Variants in RADIL observed in about 807,000 individuals in gnomAD.
RADIL encodes the protein Rap associating with DIL domain.
RADIL carries 99 observed loss-of-function variants against 97.6 expected under a neutral mutation model. The observed-to-expected ratio is 1.01, with a 90% confidence interval of 0.86 to 1.20. RADIL has a LOEUF of 1.20. Ranked by LOEUF, RADIL falls within the 50% of genes most tolerant of loss-of-function variation. The pLI is 0.00. For missense variants in RADIL, 1,765 were observed against 1,498.9 expected (o/e 1.18, Z -2.93); for synonymous variants, 803 against 691.8 (o/e 1.16, Z -2.52).
In RADIL at chr7:4,835,831, G is replaced by T. The variant is rs1783283125; in HGVS notation, c.783+527C>A. 6.6e-6 allele frequency among the ~76,000 whole-genome samples: 1 copy of T among 152,254 alleles called. No individual in the cohort carries two copies. The highest frequency in any genetic ancestry group is 2.4e-5 in the African/African-American group (1 of 41,484). ...CAGGGCAAGTGTCCGGCAAGGTGAG[G>T]CGAGGTGGCCCTGCGCCTGGCATTT... On this transcript the variant is annotated intron_variant, in intron 3 of 14. Coordinates refer to ENST00000399583, the MANE Select transcript of RADIL (RefSeq NM_018059.5). This position sits in a 1 kb window ranked among gnomAD's most constrained non-coding sequence, Gnocchi z 5.8.
rs975406008 is a variant in RADIL at position 4,865,535 on chromosome 7, T to C, written c.535+12070A>G. ...CTATGCGCAGCCAATATTCTTCAAA[T>C]ATTTTTTGTTGAGATACTTCAAATA... On this transcript the variant is annotated intron_variant, in intron 2 of 14. Transcript: ENST00000399583. 1.9e-5 allele frequency: 15 copies of C among 785,068 alleles called. No homozygotes were observed. In the African/African-American group the frequency reaches 2.5e-4, roughly 13 times the overall value. 48.6% of individuals were successfully genotyped at this position (785,068 alleles called of 1,614,324 possible).
At chr7:4,855,638 A>G (rs1425953153) in intron 2 of RADIL, among the ~76,000 whole-genome samples, 1 of 150,824 alleles carries the variant, frequency 6.6e-6, no homozygotes, top group Non-Finnish European at 1.5e-5. Context: ...AAAAAAAAAA[A>G]AAAAAAAAAG....
chr7:4,819,503 A>G lies in RADIL; in HGVS notation c.1616-2152T>C, dbSNP rs1333428058. On this transcript the variant is annotated intron_variant, in intron 6 of 14. Coordinates refer to ENST00000399583, the MANE Select transcript of RADIL (RefSeq NM_018059.5). The surrounding 1 kb of genome is among the most constrained non-coding windows in gnomAD (Gnocchi z 5.8). ...TGCCCCTGCCCTGCCCCGAAACTCC[A>G]GGACCCCTGAGGAAGCTGGCCCTAT... Among the ~76,000 whole-genome samples the G allele has an allele frequency of 6.6e-6, 1 of 152,150 alleles. No homozygotes were observed. The highest frequency in any genetic ancestry group is 1.5e-5 in the Non-Finnish European group (1 of 68,040).
At chr7:4,863,892 A>T (rs531214007) in intron 2 of RADIL, among the ~76,000 whole-genome samples, 1 of 152,330 alleles carries the variant, frequency 6.6e-6, no homozygotes, top group African/African-American at 2.4e-5. Context: ...CAATGCCTCT[A>T]GGGCGGTTCT....
Position 4,798,501 on chromosome 7 carries a change from G to A in RADIL, c.*877C>T, listed in dbSNP as rs763375797. 6.6e-6 allele frequency: 1 copy of A among 152,430 alleles called. No individual in the cohort carries two copies. The highest frequency in any genetic ancestry group is 1.5e-5 in the Non-Finnish European group (1 of 68,056). The allele number at this position is 152,430 out of a possible 1,614,324, so 9.4% of individuals were successfully genotyped here. ...CGCGGAAGCCACCCACACCCAGTTG[G>A]TGGAGCTGCTGAGGATGCCCAGCGA... On this transcript the variant is annotated 3_prime_UTR_variant, in exon 15 of 15. Transcript: ENST00000399583.
Position 4,800,317 on chromosome 7 carries a change from G to T in RADIL, c.2843-7C>A. 1.4e-6 allele frequency: 2 copies of T among 1,443,550 alleles called. No individual in the cohort carries two copies. The allele number at this position is 1,443,550 out of a possible 1,614,324, so 89.4% of individuals were successfully genotyped here. ...GCAAGGGCTGCAGAGTCTCCTGGGT[G>T]GGGGCCAGGAAAGGTGGGTGGGAGT... On this transcript the variant is annotated splice_region_variant and splice_polypyrimidine_tract_variant and intron_variant, in intron 12 of 14. Coordinates refer to ENST00000399583, the MANE Select transcript of RADIL (RefSeq NM_018059.5).
intron 9 of RADIL, among the ~76,000 whole-genome samples, chr7:4,810,514 A>G (rs1322835197): frequency 6.6e-6 from 1 of 152,172 alleles, no homozygotes; most frequent in East Asian, 1.9e-4. Context: ...ATTTCACTGT[A>G]CTGAAGAGAC....
rs1275685153 is a variant in RADIL at position 4,849,717 on chromosome 7, G to C, written c.536-13112C>G. 6.6e-6 allele frequency among the ~76,000 whole-genome samples: 1 copy of C among 152,146 alleles called. No individual in the cohort carries two copies. The highest frequency in any genetic ancestry group is 1.5e-5 in the Non-Finnish European group (1 of 68,030). The stretch of plus-strand genomic sequence containing the variant: ...GAAAATGATACTGTGTGGGGAGTGT[G>C]GACAGGGACGGCTCTCATTTGAAAA... On this transcript the variant is annotated intron_variant, in intron 2 of 14. Coordinates refer to ENST00000399583, the MANE Select transcript of RADIL (RefSeq NM_018059.5). The surrounding 1 kb of genome is among the most constrained non-coding windows in gnomAD (Gnocchi z 5.4).
Position 4,837,917 on chromosome 7 carries a change from T to C in RADIL, c.536-1312A>G, listed in dbSNP as rs1026153348. 8 of 985,318 alleles carry C rather than the reference T, an allele frequency of 8.1e-6. No homozygotes were observed. Among genetic ancestry groups the C allele is most frequent in the Non-Finnish European group, 1.2e-6 (1 of 829,952 alleles). 61.0% of individuals were successfully genotyped at this position (985,318 alleles called of 1,614,324 possible). A position where few individuals can be genotyped will look rare whatever the true frequency, so the allele number is the denominator to read the frequency against. On this transcript the variant is annotated intron_variant, in intron 2 of 14. Transcript: ENST00000399583. The surrounding 1 kb of genome is among the most constrained non-coding windows in gnomAD (Gnocchi z 5.6). Reference sequence around the variant, plus strand: ...TTTCAGGTTAAGATCCATCCCCATCTGTGGCGGCCTTTCCTCCAACCATTC... The same window carrying C: ...TTTCAGGTTAAGATCCATCCCCATCCGTGGCGGCCTTTCCTCCAACCATTC...
intron 5 of RADIL, among the ~76,000 whole-genome samples, chr7:4,831,565 T>G: frequency 7.4e-6 from 1 of 134,970 alleles, no homozygotes. Flanking sequence ...CTAATAAAAT[T>G]GTGAAGATTC....
At chr7:4,809,258 G>A in intron 9 of RADIL, 2 of 985,340 alleles carry the variant, frequency 2.0e-6, no homozygotes, top group Non-Finnish European at 1.2e-6. Flanking sequence ...CCGCCAAGCT[G>A]GGCGAGAGGC....
At chr7:4,808,670 C>G in intron 9 of RADIL, 2 of 949,606 alleles carry the variant, frequency 2.1e-6, no homozygotes, top group Non-Finnish European at 2.5e-6. Flanking sequence ...GCGTCCCCTT[C>G]CGACGCCACT....
At chr7:4,861,754 A>C (rs3750009) in intron 2 of RADIL, 599,494 of 1,490,092 alleles carry the variant, frequency 0.4, 125,125 homozygotes, top group African/African-American at 0.67. Context: ...CGCCGTAGCG[A>C]TTCGGCGGCG....
Position 4,813,302 on chromosome 7 carries a change from G to C in RADIL, c.2139+1976C>G, listed in dbSNP as rs181485526. On this transcript the variant is annotated intron_variant, in intron 9 of 14. Transcript: ENST00000399583. This position sits in a 1 kb window ranked among gnomAD's most constrained non-coding sequence, Gnocchi z 5.0. Reference sequence around the variant, plus strand: ...TCTCACCCCAGTGTTTCCACTGGGGGCCTGGTGTTTACTTCCCAAGGGGTC... The same window carrying C: ...TCTCACCCCAGTGTTTCCACTGGGGCCCTGGTGTTTACTTCCCAAGGGGTC... Among the ~76,000 whole-genome samples, 373 of 152,172 alleles carry C rather than the reference G, an allele frequency of 2.5e-3. 1 individual carries two copies. Among genetic ancestry groups the C allele is most frequent in the African/African-American group, 8.6e-3 (357 of 41,504 alleles).
At chr7:4,871,130 C>G (rs1432589949) in intron 2 of RADIL, among the ~76,000 whole-genome samples, 1 of 152,142 alleles carries the variant, frequency 6.6e-6, no homozygotes, top group Non-Finnish European at 1.5e-5. Context: ...TTTAGCCAGA[C>G]CACATACAAT....
intron 5 of RADIL, among the ~76,000 whole-genome samples, chr7:4,826,320 C>A (rs999044820): frequency 1.3e-5 from 2 of 151,664 alleles, no homozygotes; most frequent in African/African-American, 4.8e-5. Flanking sequence ...AATGAAAGCC[C>A]GGAAGTGAGG....
At chr7:4,807,273 C>A (rs1346237359) in intron 9 of RADIL, among the ~76,000 whole-genome samples, 1 of 151,910 alleles carries the variant, frequency 6.6e-6, no homozygotes, top group East Asian at 1.9e-4. Flanking sequence ...CACAGAACGA[C>A]GTCCTCCAAC....
In RADIL at chr7:4,814,265, C is replaced by T. The variant is rs1048479236; in HGVS notation, c.2139+1013G>A. On this transcript the variant is annotated intron_variant, in intron 9 of 14. Coordinates refer to ENST00000399583, the MANE Select transcript of RADIL (RefSeq NM_018059.5). This position sits in a 1 kb window ranked among gnomAD's most constrained non-coding sequence, Gnocchi z 4.5. ...AAATTCATGTGTTCAATCTGCCACA[C>T]GTAGGATCCAGACAGCCTCATTTTA... 5.3e-5 allele frequency among the ~76,000 whole-genome samples: 8 copies of T among 152,206 alleles called. No homozygotes were observed. The highest frequency in any genetic ancestry group is 1.4e-4 in the African/African-American group (6 of 41,446).
At position 4,824,286 on chromosome 7, in the gene RADIL, C is replaced by G. The variant is rs1174337020; in HGVS notation, c.1455-1732G>C. The stretch of plus-strand genomic sequence containing the variant: ...TGCCAGCCCAGTGCCTGACCCCAGT[C>G]CCGGGGCAGAGCCAGGCTCAAGGCT... On this transcript the variant is annotated intron_variant, in intron 5 of 14. Coordinates refer to ENST00000399583, the MANE Select transcript of RADIL (RefSeq NM_018059.5). This position sits in a 1 kb window ranked among gnomAD's most constrained non-coding sequence, Gnocchi z 6.7. 6.6e-6 allele frequency among the ~76,000 whole-genome samples: 1 copy of G among 152,244 alleles called. No individual in the cohort carries two copies.
Sources: gnomAD v4.1 joint callset for allele counts (sites outside exome capture counted in the v4.1 genomes callset) on GRCh38, gnomAD v4.1.1 for gene constraint, Gnocchi (gnomAD v3.1) non-coding constraint, MANE v1.5 for transcripts, NCBI Gene and HGNC (gene_info 2026-07-23, HGNC 2026-07-21) for gene names.